CNTN5: variants seen among roughly 807,000 people sequenced by gnomAD.
CNTN5 encodes contactin-5.
CNTN5 carries 77 observed loss-of-function variants against 129.1 expected under a neutral mutation model. That is an observed-to-expected ratio of 0.60 (90% CI 0.50 to 0.72). The LOEUF is 0.72. Among genes scored for constraint, CNTN5 ranks in the 30% least tolerant of loss-of-function variants. CNTN5 has a pLI of 0.00. For missense variants in CNTN5, 1,478 were observed against 1,328.8 expected (o/e 1.11, Z -1.75); for synonymous variants, 509 against 465.6 (o/e 1.09, Z -1.20).
chr11:99,933,832 C>T (rs1950244009), intron 7 of CNTN5, among the ~76,000 whole-genome samples: 1 of 152,158 alleles, frequency 6.6e-6, no homozygotes, highest in South Asian at 2.1e-4. Flanking sequence ...CAGCTGTTTT[C>T]AATTTTTGAC....
At chr11:99,151,699 T>A (rs997686857) in intron 1 of CNTN5, among the ~76,000 whole-genome samples, 14 of 152,248 alleles carry the variant, frequency 9.2e-5, no homozygotes, top group Admixed American at 5.9e-4. Flanking sequence ...GTGGCACATA[T>A]ACACCATGGA....
intron 15 of CNTN5, among the ~76,000 whole-genome samples, chr11:100,213,237 GC>G (rs1168489274): frequency 6.6e-6 from 1 of 152,036 alleles, no homozygotes; most frequent in Non-Finnish European, 1.5e-5. Context: ...AAATATATAA[GC>G]ATATATGATA....
rs190197100 is a variant in CNTN5 at position 99,468,506 on chromosome 11, C to T, written c.-70-87639C>T. On this transcript the variant is annotated intron_variant, in intron 2 of 24. Coordinates refer to ENST00000524871, the MANE Select transcript of CNTN5 (RefSeq NM_014361.4). ...CAATGTGAACTCTAGCTGCCGCCAA[C>T]AGCCTTACATACACTGGTCTATATG... Among the ~76,000 whole-genome samples the T allele has an allele frequency of 1.9e-4, 29 of 152,276 alleles. No individual in the cohort carries two copies. The East Asian group carries it at 5.2e-3, about 27-fold the overall frequency.
chr11:100,027,870 A>T (rs1379144010), intron 9 of CNTN5, among the ~76,000 whole-genome samples: 1 of 152,170 alleles, frequency 6.6e-6, no homozygotes, highest in Non-Finnish European at 1.5e-5. Context: ...GCTGATGCCT[A>T]ATATTTTGCG....
intron 6 of CNTN5, among the ~76,000 whole-genome samples, chr11:99,851,384 C>T (rs1947868754): frequency 6.6e-6 from 1 of 152,100 alleles, no homozygotes; most frequent in Non-Finnish European, 1.5e-5. Flanking sequence ...ATATTTTATT[C>T]CTGAAGCTTA....
intron 3 of CNTN5, among the ~76,000 whole-genome samples, chr11:99,742,818 T>A (rs1047804679): frequency 6.6e-6 from 1 of 152,198 alleles, no homozygotes; most frequent in African/African-American, 2.4e-5. Flanking sequence ...TCTCTTCATG[T>A]AGATCATTCT....
intron 13 of CNTN5, among the ~76,000 whole-genome samples, chr11:100,150,580 T>A (rs568317521): frequency 3.7e-4 from 56 of 152,092 alleles, no homozygotes; most frequent in African/African-American, 1.3e-3. Context: ...TGTGCCTTTT[T>A]TTCCCTCTCA....
chr11:99,120,690 G>A (rs1479583305), intron 1 of CNTN5, among the ~76,000 whole-genome samples: 4 of 152,056 alleles, frequency 2.6e-5, no homozygotes, highest in African/African-American at 9.7e-5. Flanking sequence ...TTAATCTGAA[G>A]GTCACACAAG....
intron 2 of CNTN5, among the ~76,000 whole-genome samples, chr11:99,427,179 A>G (rs1308848575): frequency 6.6e-6 from 1 of 152,244 alleles, no homozygotes; most frequent in Non-Finnish European, 1.5e-5. Flanking sequence ...AGACATAGGA[A>G]AAGTGTGTCC....
At chr11:100,150,643 G>T (rs1397202715) in intron 13 of CNTN5, among the ~76,000 whole-genome samples, 1 of 151,524 alleles carries the variant, frequency 6.6e-6, no homozygotes, top group Non-Finnish European at 1.5e-5. Context: ...CATACACATG[G>T]AATACTCGGA....
chr11:100,165,539 G>A (rs1947602263), intron 13 of CNTN5, among the ~76,000 whole-genome samples: 1 of 151,714 alleles, frequency 6.6e-6, no homozygotes, highest in Non-Finnish European at 1.5e-5. Flanking sequence ...AGTATTTTTA[G>A]GTTTCTTAGT....
chr11:99,022,850 G>A (rs935062335), intron 1 of CNTN5, among the ~76,000 whole-genome samples: 4 of 152,114 alleles, frequency 2.6e-5, no homozygotes, highest in Admixed American at 2.6e-4. Flanking sequence ...AGGAATTGGT[G>A]TATCCTTTAA....
chr11:99,508,686 C>CTTTCTTTCTTTTTTT (rs11281160), intron 2 of CNTN5, among the ~76,000 whole-genome samples: 17 of 146,858 alleles, frequency 1.2e-4, no homozygotes, highest in Non-Finnish European at 2.4e-4. Context: ...TCTTTTCTTT[C>CTTTCTTTCTTTTTTT]TTTTTTTTTT....
chr11:99,883,123 A>T (rs1948814695), intron 6 of CNTN5, among the ~76,000 whole-genome samples: 1 of 152,158 alleles, frequency 6.6e-6, no homozygotes, highest in Non-Finnish European at 1.5e-5. Context: ...TCATCTATTG[A>T]TGGACACTTA....
chr11:99,825,321 C>T (rs1427059213), intron 4 of CNTN5, among the ~76,000 whole-genome samples: 2 of 151,804 alleles, frequency 1.3e-5, no homozygotes, highest in African/African-American at 4.8e-5. Flanking sequence ...TTGTGATTAC[C>T]ATTAACTTAG....
At chr11:99,818,785 A>C (rs1946675909) in intron 3 of CNTN5, among the ~76,000 whole-genome samples, 1 of 152,206 alleles carries the variant, frequency 6.6e-6, no homozygotes. Flanking sequence ...CTAACCAAAC[A>C]CCTTAGGAAT....
chr11:100,096,239 G>A (rs1311909638), intron 13 of CNTN5, among the ~76,000 whole-genome samples: 1 of 152,044 alleles, frequency 6.6e-6, no homozygotes, highest in Non-Finnish European at 1.5e-5. Flanking sequence ...TGTAGTCCCA[G>A]GCACATTATT....
chr11:99,593,084 A>G (rs907651980), intron 3 of CNTN5, among the ~76,000 whole-genome samples: 1 of 152,150 alleles, frequency 6.6e-6, no homozygotes, highest in Admixed American at 6.5e-5. Context: ...TTTCCCTACC[A>G]AGACTGGCTT....
chr11:100,005,262 C>T (rs1357294163), intron 9 of CNTN5, among the ~76,000 whole-genome samples: 1 of 152,054 alleles, frequency 6.6e-6, no homozygotes, highest in East Asian at 1.9e-4. Flanking sequence ...TATGCCTTAT[C>T]CTGTCCCCCC....
Sources: allele counts gnomAD v4.1 joint callset (sites outside exome capture counted in the v4.1 genomes callset), GRCh38; gene constraint gnomAD v4.1.1; transcripts MANE v1.5; gene names NCBI Gene and HGNC (gene_info 2026-07-23, HGNC 2026-07-21).